The following SNX29 variants were observed in gnomAD, a reference collection of about 807,000 sequenced individuals.
SNX29 encodes sorting nexin 29.
In SNX29, 78 loss-of-function variants were observed where a neutral mutation model predicts 102.1. The ratio of observed to expected loss-of-function variants is 0.76; its 90% CI spans 0.64 to 0.92. The LOEUF is 0.92. Among genes scored for constraint, SNX29 ranks in the 40% least tolerant of loss-of-function variants. The probability of loss-of-function intolerance (pLI) is 0.00; values close to 1 mark genes in which losing one functional copy is unlikely to be tolerated. For missense variants in SNX29, 1,280 were observed against 1,061.7 expected, an observed-to-expected ratio of 1.21 and a Z score of -2.86; for synonymous variants, 580 against 414.5, an observed-to-expected ratio of 1.40 and a Z score of -4.85.
intron 15 of SNX29, among the ~76,000 whole-genome samples, chr16:12,353,001 G>A (rs1272432221): frequency 6.6e-6 from 1 of 152,184 alleles, no homozygotes; most frequent in Admixed American, 6.5e-5. Context: ...GATATGGCAT[G>A]GGAGGCTGCC....
At chr16:12,089,828 G>T (rs771854758) in intron 11 of SNX29, 7 of 400,264 alleles carry the variant, frequency 1.7e-5, no homozygotes, top group African/African-American at 4.2e-5. Flanking sequence ...ACTCAGCAGT[G>T]CGTTCCTTCC....
At chr16:11,992,116 G>A (rs1003404137) in intron 1 of SNX29, among the ~76,000 whole-genome samples, 5 of 152,036 alleles carry the variant, frequency 3.3e-5, no homozygotes, top group African/African-American at 4.8e-5. Context: ...GCAACATAGC[G>A]AGACCCTGTC....
intron 13 of SNX29, among the ~76,000 whole-genome samples, chr16:12,145,201 TAA>T (rs74268785): frequency 3.3e-4 from 47 of 143,368 alleles, no homozygotes; most frequent in East Asian, 8.0e-4. Context: ...TTTTCATACT[TAA>T]AAAAAAAAAA....
intron 19 of SNX29, among the ~76,000 whole-genome samples, chr16:12,497,786 G>T (rs2088905054): frequency 1.3e-5 from 2 of 152,218 alleles, no homozygotes; most frequent in African/African-American, 4.8e-5. Flanking sequence ...GCCTCAGGCA[G>T]AAAGAGCATA....
chr16:12,336,470 G>A (rs562023822), intron 15 of SNX29, among the ~76,000 whole-genome samples: 2 of 152,356 alleles, frequency 1.3e-5, no homozygotes, highest in African/African-American at 4.8e-5. Flanking sequence ...TTGTGTTGCA[G>A]TCATGCCCAT....
intron 14 of SNX29, among the ~76,000 whole-genome samples, chr16:12,228,451 G>C (rs752317279): frequency 1.3e-5 from 2 of 152,240 alleles, no homozygotes; most frequent in African/African-American, 4.8e-5. Flanking sequence ...GACAGCAGCA[G>C]CATCCTGCTC....
At position 12,563,349 on chromosome 16, in the gene SNX29, T is replaced by G. The variant is rs2078839289; in HGVS notation, c.2319-5157T>G. Among the ~76,000 whole-genome samples the G allele has an allele frequency of 2.0e-5, 3 of 152,360 alleles. No homozygotes were observed. In the South Asian group the frequency reaches 6.2e-4, roughly 32 times the overall value. ...CACCGTCGAGGAGTGGCCATTATCCTGAGCCTGTCTTTTATCGCCACGTTG... is the reference window on the plus strand; with the variant it reads ...CACCGTCGAGGAGTGGCCATTATCCGGAGCCTGTCTTTTATCGCCACGTTG... On this transcript the variant is annotated intron_variant, in intron 20 of 20. Coordinates refer to ENST00000566228, the MANE Select transcript of SNX29 (RefSeq NM_032167.5).
intron 3 of SNX29, among the ~76,000 whole-genome samples, chr16:12,011,037 C>G (rs1478072045): frequency 6.6e-6 from 1 of 152,106 alleles, no homozygotes; most frequent in Non-Finnish European, 1.5e-5. Context: ...TGTTACGATT[C>G]TTGTCATCCT....
intron 15 of SNX29, among the ~76,000 whole-genome samples, chr16:12,282,083 C>CAA (rs758827865): frequency 0.015 from 901 of 61,674 alleles, 50 homozygotes; most frequent in African/African-American, 0.018. Flanking sequence ...GACTCCATCT[C>CAA]AAAAAAAAAA....
chr16:12,420,536 T>TGGA (rs1355801691), intron 18 of SNX29, among the ~76,000 whole-genome samples: 2 of 152,114 alleles, frequency 1.3e-5, no homozygotes, highest in African/African-American at 4.8e-5. Context: ...ATTCTCAAGA[T>TGGA]GGAGTATGGT....
chr16:12,404,381 A>G (rs1222097969), intron 18 of SNX29, among the ~76,000 whole-genome samples: 1 of 152,034 alleles, frequency 6.6e-6, no homozygotes, highest in Non-Finnish European at 1.5e-5. Flanking sequence ...AGCCCTGCCC[A>G]CAGCTCGTCT....
intron 17 of SNX29, among the ~76,000 whole-genome samples, chr16:12,401,202 A>G (rs1021770836): frequency 1.1e-4 from 16 of 152,138 alleles, no homozygotes; most frequent in African/African-American, 3.6e-4. Context: ...TTTGAACAAC[A>G]TGAGAAACCA....
chr16:12,251,894 G>A (rs2078434088), intron 14 of SNX29, among the ~76,000 whole-genome samples: 1 of 152,086 alleles, frequency 6.6e-6, no homozygotes, highest in African/African-American at 2.4e-5. Context: ...CCAGTAGCTA[G>A]AACTATAGGT....
intron 19 of SNX29, among the ~76,000 whole-genome samples, chr16:12,493,549 C>G (rs915322660): frequency 6.6e-6 from 1 of 152,152 alleles, no homozygotes; most frequent in Non-Finnish European, 1.5e-5. Context: ...CCTGATTGCC[C>G]TGGCCAGAAC....
At chr16:12,398,411 T>A (rs756963805) in intron 16 of SNX29, 35 bp from the exon 17 acceptor site, 2 of 1,612,166 alleles carry the variant, frequency 1.2e-6, no homozygotes, top group Admixed American at 3.3e-5. Context: ...CCATTATGCA[T>A]TTTTTCTCCC....
chr16:12,538,054 G>T (rs17240457), intron 20 of SNX29, among the ~76,000 whole-genome samples: 4 of 151,414 alleles, frequency 2.6e-5, no homozygotes, highest in South Asian at 2.1e-4. Context: ...AAGTATAATC[G>T]ATCTTGGTGA....
intron 13 of SNX29, among the ~76,000 whole-genome samples, chr16:12,174,269 C>T (rs892181910): frequency 6.6e-6 from 1 of 152,194 alleles, no homozygotes; most frequent in Non-Finnish European, 1.5e-5. Flanking sequence ...TGCTTCTGAG[C>T]TGTAGGAATT....
At chr16:12,402,731 C>T (rs966011919) in intron 17 of SNX29, among the ~76,000 whole-genome samples, 2 of 152,212 alleles carry the variant, frequency 1.3e-5, no homozygotes, top group Admixed American at 1.3e-4. Flanking sequence ...AAGCATGGAG[C>T]TGTGCGTGGT....
At chr16:12,494,656 CTCA>C (rs1304864097) in intron 19 of SNX29, among the ~76,000 whole-genome samples, 1 of 152,192 alleles carries the variant, frequency 6.6e-6, no homozygotes, top group East Asian at 1.9e-4. Context: ...TTGGAACTTT[CTCA>C]TCATTTAATT....
Sources: allele counts gnomAD v4.1 joint callset (sites outside exome capture counted in the v4.1 genomes callset), GRCh38; gene constraint gnomAD v4.1.1; transcripts MANE v1.5; gene names NCBI Gene and HGNC (gene_info 2026-07-23, HGNC 2026-07-21).